The following SORCS2 variants were observed in gnomAD, a reference collection of about 807,000 sequenced individuals.
SORCS2 encodes the protein VPS10 domain-containing receptor SorCS2.
In SORCS2, 100 loss-of-function variants were observed where a neutral mutation model predicts 141.6. The ratio of observed to expected loss-of-function variants is 0.71; its 90% CI spans 0.60 to 0.83. The LOEUF is 0.83. Ranked by LOEUF, SORCS2 falls within the 40% of genes least tolerant of loss-of-function variation. The pLI is 0.00. For synonymous variants in SORCS2, 789 were observed against 676.9 expected, an observed-to-expected ratio of 1.17 and a Z score of -2.57; for missense variants, 1,646 against 1,560.2, an observed-to-expected ratio of 1.05 and a Z score of -0.93.
chr4:7,388,552 C>T (rs934518219), intron 1 of SORCS2, among the ~76,000 whole-genome samples: 8 of 152,128 alleles, frequency 5.3e-5, no homozygotes, highest in East Asian at 1.9e-4. Flanking sequence ...TATCCCTCCC[C>T]GCTTCCCCAC....
intron 1 of SORCS2, among the ~76,000 whole-genome samples, chr4:7,294,104 G>A (rs1017270101): frequency 2.0e-5 from 3 of 152,224 alleles, no homozygotes; most frequent in South Asian, 4.1e-4. Flanking sequence ...GGCTGGGGAA[G>A]GAGTGGCTTC....
intron 22 of SORCS2, among the ~76,000 whole-genome samples, chr4:7,728,855 C>T (rs1359116650): frequency 1.3e-5 from 2 of 152,192 alleles, no homozygotes; most frequent in African/African-American, 4.8e-5. Context: ...ACCCAGTGTG[C>T]TCACTGGCCT....
intron 1 of SORCS2, among the ~76,000 whole-genome samples, chr4:7,357,422 G>A (rs560359464): frequency 2.0e-5 from 3 of 152,212 alleles, no homozygotes; most frequent in Admixed American, 6.5e-5. Flanking sequence ...GACTGGGAAC[G>A]TTGGCCTACA....
intron 2 of SORCS2, among the ~76,000 whole-genome samples, chr4:7,479,116 G>C (rs7675681): frequency 0.14 from 21,869 of 151,946 alleles, 2,451 homozygotes; most frequent in African/African-American, 0.32. Flanking sequence ...AGTAAAGGGA[G>C]AAAGGCACAC....
chr4:7,458,856 C>A (rs1478982146), intron 2 of SORCS2, among the ~76,000 whole-genome samples: 1 of 152,012 alleles, frequency 6.6e-6, no homozygotes, highest in Non-Finnish European at 1.5e-5. Flanking sequence ...CTTAATGGAG[C>A]CCTAAGGAAT....
At chr4:7,226,343 C>T (rs913930752) in intron 1 of SORCS2, among the ~76,000 whole-genome samples, 3 of 152,210 alleles carry the variant, frequency 2.0e-5, no homozygotes, top group African/African-American at 7.2e-5. Context: ...CCTGTCTGAC[C>T]TCAAGCCTGG....
At chr4:7,532,884 T>G (rs190123163) in intron 3 of SORCS2, among the ~76,000 whole-genome samples, 4 of 152,016 alleles carry the variant, frequency 2.6e-5, no homozygotes, top group Non-Finnish European at 4.4e-5. Flanking sequence ...AGACTTGGAA[T>G]GCAGAGGTGG....
chr4:7,463,522 G>A lies in SORCS2; in HGVS notation c.548+67167G>A, dbSNP rs140530003. ...TGGGGGTGGGGGCGCAGAAGCTCTC[G>A]ACTCCAGGGCCTCCAGGAACAGACC... On this transcript the variant is annotated intron_variant, in intron 2 of 26. Coordinates refer to ENST00000507866, the MANE Select transcript of SORCS2 (RefSeq NM_020777.3). Among the ~76,000 whole-genome samples, 820 of 152,244 alleles carry A rather than the reference G, an allele frequency of 5.4e-3. 9 individuals are homozygous for A. Among genetic ancestry groups the A allele is most frequent in the African/African-American group, 0.019 (772 of 41,546 alleles).
chr4:7,549,545 C>G (rs1713524551), intron 3 of SORCS2, among the ~76,000 whole-genome samples: 1 of 152,180 alleles, frequency 6.6e-6, no homozygotes, highest in South Asian at 2.1e-4. Flanking sequence ...TTCCCCTTAA[C>G]CTGCTGGCCA....
At chr4:7,244,654 C>G (rs879286608) in intron 1 of SORCS2, among the ~76,000 whole-genome samples, 6 of 152,192 alleles carry the variant, frequency 3.9e-5, no homozygotes, top group African/African-American at 7.2e-5. Context: ...AGACTGAAGG[C>G]CCAGCAGACC....
Position 7,728,429 on chromosome 4 carries a change from C to A in SORCS2, c.2949C>A (p.Asp983Glu). 1.9e-6 allele frequency: 3 copies of A among 1,613,578 alleles called. No homozygotes were observed. Among genetic ancestry groups the A allele is most frequent in the Non-Finnish European group, 2.5e-6 (3 of 1,179,802 alleles). Residue 983 changes from aspartate (D) to glutamate (E), a missense_variant, in exon 22 of 27, where the codon GAC (aspartate) becomes GAA (glutamate). Physicochemically the swap from Asp to Glu is conservative, Grantham distance 45. Transcript: ENST00000507866. ...YNPNTPEWRE[D>E]VGLVVTRLLS... Reference sequence around the variant, plus strand: ...CCAACACCCCTGAGTGGAGGGAAGACGTGGGCCTGGTGGTCACCCGGCTGC... The same window carrying A: ...CCAACACCCCTGAGTGGAGGGAAGAAGTGGGCCTGGTGGTCACCCGGCTGC...
At chr4:7,567,264 C>T (rs1469766515) in intron 3 of SORCS2, among the ~76,000 whole-genome samples, 1 of 152,092 alleles carries the variant, frequency 6.6e-6, no homozygotes, top group African/African-American at 2.4e-5. Flanking sequence ...CAAGTGCAAA[C>T]TGTATTCAGA....
At position 7,466,976 on chromosome 4, in the gene SORCS2, GGTGGCTCA is replaced by G. The variant is rs373908832; in HGVS notation, c.549-64546_549-64539del. Among the ~76,000 whole-genome samples, 817 of 152,284 alleles carry G rather than the reference GGTGGCTCA, an allele frequency of 5.4e-3. 11 individuals are homozygous for G. The highest frequency in any genetic ancestry group is 0.019 in the African/African-American group (779 of 41,554). On this transcript the variant is annotated intron_variant, in intron 2 of 26. Transcript: ENST00000507866. ...GATGGGTGGGGCTTGTATGTATGCA[GGTGGCTCA>G]GTGGCTCTGTGGCTCTTTGGCTTGG...
chr4:7,426,698 C>T (rs1450510860), intron 2 of SORCS2, among the ~76,000 whole-genome samples: 1 of 152,168 alleles, frequency 6.6e-6, no homozygotes, highest in African/African-American at 2.4e-5. Flanking sequence ...ACAAACCCCA[C>T]AAGAGAGGGT....
intron 2 of SORCS2, among the ~76,000 whole-genome samples, chr4:7,423,769 G>C (rs1163408931): frequency 6.6e-6 from 1 of 152,182 alleles, no homozygotes; most frequent in Non-Finnish European, 1.5e-5. Context: ...TGTTTCTTTA[G>C]AAACAGTGGT....
intron 8 of SORCS2, among the ~76,000 whole-genome samples, chr4:7,671,787 A>T (rs1293872355): frequency 6.6e-6 from 1 of 152,124 alleles, no homozygotes; most frequent in Non-Finnish European, 1.5e-5. Flanking sequence ...AGGCAGAGAG[A>T]CTATTTGAAG....
At chr4:7,535,086 C>G (rs1465703716) in intron 3 of SORCS2, among the ~76,000 whole-genome samples, 2 of 152,212 alleles carry the variant, frequency 1.3e-5, no homozygotes, top group Admixed American at 6.5e-5. Context: ...GTGGCAGGAG[C>G]AAAGTCACAG....
At chr4:7,205,937 C>T (rs1022852760) in intron 1 of SORCS2, among the ~76,000 whole-genome samples, 1 of 151,956 alleles carries the variant, frequency 6.6e-6, no homozygotes, top group African/African-American at 2.4e-5. Flanking sequence ...TCCCAGCTAC[C>T]CGGGAGGCTG....
At chr4:7,416,888 G>A (rs1725730748) in intron 2 of SORCS2, among the ~76,000 whole-genome samples, 1 of 151,830 alleles carries the variant, frequency 6.6e-6, no homozygotes, top group Admixed American at 6.6e-5. Context: ...ACACACATAT[G>A]CATGCACACA....
Sources: allele counts gnomAD v4.1 joint callset (sites outside exome capture counted in the v4.1 genomes callset), GRCh38; gene constraint gnomAD v4.1.1; transcripts MANE v1.5; gene names NCBI Gene and HGNC (gene_info 2026-07-23, HGNC 2026-07-21).